The following PLXNC1 variants were observed in gnomAD, a reference collection of about 807,000 sequenced individuals.
The protein encoded by PLXNC1 is plexin-C1.
Under a neutral mutation model 178.2 loss-of-function variants are expected in PLXNC1, and 75 were observed. That is an observed-to-expected ratio of 0.42 (90% CI 0.35 to 0.51). The LOEUF is 0.51. Ranked by LOEUF, PLXNC1 falls within the 20% of genes least tolerant of loss-of-function variation. The probability of loss-of-function intolerance (pLI) is 0.02; values close to 1 mark genes in which losing one functional copy is unlikely to be tolerated. For synonymous variants in PLXNC1, 790 were observed against 779.9 expected (o/e 1.01, Z -0.22); for missense variants, 1,503 against 1,984.4 (o/e 0.76, Z 4.61).
chr12:94,177,107 G>C (rs1962085101), intron 2 of PLXNC1, among the ~76,000 whole-genome samples: 1 of 129,626 alleles, frequency 7.7e-6, no homozygotes, highest in East Asian at 2.3e-4. Flanking sequence ...ATATATGTGT[G>C]TGTGTATATA....
chr12:94,307,636 A>ATGTC lies in PLXNC1; in HGVS notation c.*2353_*2356dup, dbSNP rs1439037062. ...CTGTTCTTGGAGATGAATGTTTTAA[A>ATGTC]TGTCTATATCCAAAAAATAAACATT... On this transcript the variant is annotated 3_prime_UTR_variant, in exon 31 of 31. Transcript: ENST00000258526. 6.6e-6 allele frequency: 1 copy of ATGTC among 151,596 alleles called. No homozygotes were observed. Among genetic ancestry groups the ATGTC allele is most frequent in the East Asian group, 1.9e-4 (1 of 5,182 alleles). 9.4% of individuals were successfully genotyped at this position (151,596 alleles called of 1,614,324 possible). A position where few individuals can be genotyped will look rare whatever the true frequency, so the allele number is the denominator to read the frequency against.
intron 1 of PLXNC1, among the ~76,000 whole-genome samples, chr12:94,153,430 A>G (rs1474794708): frequency 6.6e-6 from 1 of 152,136 alleles, no homozygotes; most frequent in Non-Finnish European, 1.5e-5. Flanking sequence ...TTTTTATAAC[A>G]CACCTGTGCT....
intron 1 of PLXNC1, among the ~76,000 whole-genome samples, chr12:94,165,591 G>A (rs777110925): frequency 6.7e-6 from 1 of 149,220 alleles, no homozygotes; most frequent in Non-Finnish European, 1.5e-5. Flanking sequence ...TTTAGTGTCC[G>A]CTCCAACAAG....
At chr12:94,233,357 C>G (rs1416470703) in intron 9 of PLXNC1, among the ~76,000 whole-genome samples, 1 of 152,184 alleles carries the variant, frequency 6.6e-6, no homozygotes, top group East Asian at 1.9e-4. Flanking sequence ...TCAGGGCCCT[C>G]CACTGGCTGG....
At chr12:94,207,226 G>A (rs1369613000) in intron 4 of PLXNC1, among the ~76,000 whole-genome samples, 1 of 151,684 alleles carries the variant, frequency 6.6e-6, no homozygotes, top group Non-Finnish European at 1.5e-5. Context: ...GTGGTGGGTT[G>A]TTTTTTTATA....
chr12:94,305,170 A>G lies in PLXNC1; in HGVS notation c.4603-11A>G. 1 of 1,556,632 alleles carries G rather than the reference A, an allele frequency of 6.4e-7. No homozygotes were observed. Among genetic ancestry groups the G allele is most frequent in the Non-Finnish European group, 8.8e-7 (1 of 1,131,516 alleles). On this transcript the variant is annotated splice_polypyrimidine_tract_variant and intron_variant, in intron 30 of 30. Transcript: ENST00000258526. ...CACAATATCTAAAATAACTGTTCTA[A>G]TTGTCAACAGATTCTAAATAAACTA...
In PLXNC1 at chr12:94,237,654, T is replaced by C; in HGVS notation, c.1981-10T>C. The C allele has an allele frequency of 1.2e-6, 2 of 1,609,908 alleles. No individual in the cohort carries two copies. The highest frequency in any genetic ancestry group is 1.7e-6 in the Non-Finnish European group (2 of 1,177,544). ...TTTGATCTCCTGTTTTAATCTTTTC[T>C]TTCCAATAGGTCTTCTACATTAAGT... On this transcript the variant is annotated splice_polypyrimidine_tract_variant and intron_variant, in intron 9 of 30. Transcript: ENST00000258526.
chr12:94,300,922 C>A lies in PLXNC1; in HGVS notation c.4251C>A (p.Arg1417=), dbSNP rs1968402692. 6.2e-7 allele frequency: 1 copy of A among 1,612,518 alleles called. No homozygotes were observed. Among genetic ancestry groups the A allele is most frequent in the Admixed American group, 1.7e-5 (1 of 59,924 alleles). The change falls in exon 28 of 31, where the codon CGC becomes CGA. Residue 1417 remains arginine (R), a synonymous_variant. Coordinates refer to ENST00000258526, the MANE Select transcript of PLXNC1 (RefSeq NM_005761.3). ...TCTCTTTGAACAGCCTTCCTCTTCG[C>A]TTCTGGGTAAACATCCTGAAGAACC... ...HIWKTNSLPL[R]FWVNILKNPQ...
intron 1 of PLXNC1, chr12:94,150,917 T>A (rs1171067783): frequency 6.6e-6 from 1 of 152,314 alleles, no homozygotes; most frequent in Non-Finnish European, 1.5e-5. Flanking sequence ...ACAGCTTTTA[T>A]CTTGAGATTG....
At chr12:94,209,523 ACG>A in intron 4 of PLXNC1, 65 bp from the exon 5 acceptor site, 2 of 861,724 alleles carry the variant, frequency 2.3e-6, no homozygotes, top group Admixed American at 1.9e-5. Context: ...TAACTAATGC[ACG>A]TATGGGGTCG....
At chr12:94,281,942 G>T in intron 22 of PLXNC1, 1 of 263,720 alleles carries the variant, frequency 3.8e-6, no homozygotes, top group South Asian at 3.9e-5. Flanking sequence ...TACAGAGATG[G>T]TTCATATCAT....
In PLXNC1 at chr12:94,291,857, AC is replaced by A. The variant is rs376277362; in HGVS notation, c.3880-2626del. Among the ~76,000 whole-genome samples the A allele has an allele frequency of 2.7e-3, 412 of 152,244 alleles. 2 individuals are homozygous for A. The highest frequency in any genetic ancestry group is 9.7e-3 in the African/African-American group (401 of 41,546). On this transcript the variant is annotated intron_variant, in intron 23 of 30. Transcript: ENST00000258526. ...GGTGTGGGCTTCTATTGATCCCATC[AC>A]CCAGTGAACGTAGTACCCAACAGGA...
At chr12:94,151,054 A>G (rs565822616) in intron 1 of PLXNC1, among the ~76,000 whole-genome samples, 3 of 152,256 alleles carry the variant, frequency 2.0e-5, no homozygotes, top group Non-Finnish European at 2.9e-5. Flanking sequence ...AACTCCACAT[A>G]TGGCTCCTGA....
At chr12:94,197,938 C>T (rs1962976890) in intron 4 of PLXNC1, among the ~76,000 whole-genome samples, 2 of 152,092 alleles carry the variant, frequency 1.3e-5, no homozygotes, top group Middle Eastern at 3.2e-3. Context: ...CAGAGAAAAC[C>T]CTCCATCTTG....
chr12:94,265,584 A>T (rs1321658232), intron 21 of PLXNC1, among the ~76,000 whole-genome samples: 1 of 152,198 alleles, frequency 6.6e-6, no homozygotes, highest in East Asian at 1.9e-4. Context: ...CTCTGGGAAG[A>T]CAATGTGTGA....
intron 10 of PLXNC1, among the ~76,000 whole-genome samples, chr12:94,239,694 T>C (rs1299336748): frequency 1.3e-5 from 2 of 152,246 alleles, no homozygotes; most frequent in South Asian, 2.1e-4. Context: ...AGCTTCGCTC[T>C]GACTCTGAAA....
rs763609344 is a variant in PLXNC1, at chr12:94,186,897, C to A, written c.1439+424C>A. ...TATTCTGTTCGCTCCGCAGAAGCCT[C>A]GTTATTGATGGCGCCGTCTCCTAAT... On this transcript the variant is annotated intron_variant, in intron 4 of 30. Transcript: ENST00000258526. The A allele has an allele frequency of 3.6e-5, 6 of 168,380 alleles. No homozygotes were observed. In the East Asian group the frequency reaches 6.1e-4, roughly 17 times the overall value. 10.4% of individuals were successfully genotyped at this position (168,380 alleles called of 1,614,324 possible). A position where few individuals can be genotyped will look rare whatever the true frequency, so the allele number is the denominator to read the frequency against.
At chr12:94,287,403 G>T (rs1966859355) in intron 23 of PLXNC1, among the ~76,000 whole-genome samples, 1 of 152,188 alleles carries the variant, frequency 6.6e-6, no homozygotes, top group African/African-American at 2.4e-5. Flanking sequence ...CTAGGACTGT[G>T]GCAGGGTGGT....
intron 9 of PLXNC1, 89 bp downstream of exon 9, chr12:94,227,324 A>AAT: frequency 1.4e-6 from 1 of 736,708 alleles, no homozygotes; most frequent in Non-Finnish European, 2.3e-6. Flanking sequence ...TCCTTAAAAA[A>AAT]ATTCTCTATT....
Sources: allele counts gnomAD v4.1 joint callset (sites outside exome capture counted in the v4.1 genomes callset), GRCh38; gene constraint gnomAD v4.1.1; transcripts MANE v1.5; gene names NCBI Gene and HGNC (gene_info 2026-07-23, HGNC 2026-07-21).